The following OR3A2 variants were observed in gnomAD, a reference collection of about 807,000 sequenced individuals.
OR3A2 encodes the protein olfactory receptor family 3 subfamily A member 2, also known as olfactory receptor 3A2.
For missense variants in OR3A2, 318 were observed against 392.8 expected (o/e 0.81, Z 1.61); for synonymous variants, 126 against 159.3 (o/e 0.79, Z 1.57).
chr17:3,371,434 C>A (rs866481772), intron 2 of OR3A2, among the ~76,000 whole-genome samples: 6 of 126,842 alleles, frequency 4.7e-5, no homozygotes, highest in African/African-American at 1.3e-4. Context: ...GACCCCCCCA[C>A]CTCCCTCCCG....
At chr17:3,288,265 A>AAAAAAAAAAAAAAAAAAAAAAAAT (rs2048833516), upstream of OR3A2, among the ~76,000 whole-genome samples, 1 of 142,362 alleles carries the variant, frequency 7.0e-6, no homozygotes, top group East Asian at 2.0e-4. Context: ...AAAAAAAAAA[A>AAAAAAAAAAAAAAAAAAAAAAAAT]GACAAAAAAA....
chr17:3,280,366 G>C (rs543655674), intron 1 of OR3A2, among the ~76,000 whole-genome samples: 1 of 152,002 alleles, frequency 6.6e-6, no homozygotes, highest in Non-Finnish European at 1.5e-5. Flanking sequence ...CCGCCTCCTG[G>C]GTTCACGCCA....
chr17:3,321,659 TC>T (rs2049123366), intron 3 of OR3A2, among the ~76,000 whole-genome samples: 1 of 152,202 alleles, frequency 6.6e-6, no homozygotes, highest in African/African-American at 2.4e-5. Context: ...TGTCTTTGGT[TC>T]TGTTTATATG....
intron 3 of OR3A2, among the ~76,000 whole-genome samples, chr17:3,324,843 T>A (rs946897847): frequency 2.0e-5 from 3 of 152,116 alleles, no homozygotes; most frequent in Non-Finnish European, 4.4e-5. Flanking sequence ...CGTTCTCAGA[T>A]CTCAAGCTGA....
chr17:3,325,083 A>G (rs1288815337), intron 3 of OR3A2, among the ~76,000 whole-genome samples: 1 of 150,282 alleles, frequency 6.7e-6, no homozygotes, highest in Non-Finnish European at 1.5e-5. Context: ...TATTTTTATG[A>G]TTTTGTTTTT....
intron 3 of OR3A2, among the ~76,000 whole-genome samples, chr17:3,335,701 A>C (rs936638345): frequency 1.3e-5 from 2 of 152,188 alleles, no homozygotes; most frequent in Non-Finnish European, 2.9e-5. Context: ...TCTTCGAACA[A>C]AAGTCCCATG....
At chr17:3,356,209 T>C (rs1307228628) in intron 2 of OR3A2, among the ~76,000 whole-genome samples, 1 of 151,504 alleles carries the variant, frequency 6.6e-6, no homozygotes, top group East Asian at 1.9e-4. Context: ...TAAAAGGTTG[T>C]TTTAGTTATT....
chr17:3,336,715 G>A (rs1296642238), intron 2 of OR3A2, among the ~76,000 whole-genome samples: 2 of 152,180 alleles, frequency 1.3e-5, no homozygotes, highest in South Asian at 2.1e-4. Context: ...CTTTAGCTGC[G>A]CTCATACCTG....
chr17:3,321,821 G>A (rs953882961), intron 3 of OR3A2, among the ~76,000 whole-genome samples: 1 of 152,122 alleles, frequency 6.6e-6, no homozygotes, highest in Non-Finnish European at 1.5e-5. Flanking sequence ...TGTTCATCAA[G>A]GATATTGGTC....
In OR3A2 at chr17:3,346,646, G is replaced by T. The variant is rs570893805; in HGVS notation, c.-178-10520C>A. Among the ~76,000 whole-genome samples the T allele has an allele frequency of 2.1e-4, 31 of 144,998 alleles. No individual in the cohort carries two copies. The South Asian group carries it at 4.6e-3, about 21-fold the overall frequency. ...CTAGTTCTTATTCACTCTTTCCATG[G>T]TTTTTTTTTTTGTACCCATTATCCA... is the stretch of plus-strand genomic sequence containing the variant. On this transcript the variant is annotated intron_variant, in intron 2 of 4. Transcript: ENST00000573491.
chr17:3,350,957 GA>G (rs1359539482), intron 2 of OR3A2, among the ~76,000 whole-genome samples: 1 of 151,736 alleles, frequency 6.6e-6, no homozygotes, highest in African/African-American at 2.4e-5. Context: ...AATAGATGCA[GA>G]AAAGGCCTTT....
chr17:3,382,704 G>A (rs1376990338), intron 2 of OR3A2, among the ~76,000 whole-genome samples: 2 of 152,150 alleles, frequency 1.3e-5, no homozygotes, highest in Admixed American at 1.3e-4. Flanking sequence ...TCTTTCCCCT[G>A]CCTGAAATGC....
chr17:3,276,161 T>C (rs539219018), downstream of OR3A2, among the ~76,000 whole-genome samples: 2 of 146,412 alleles, frequency 1.4e-5, no homozygotes, highest in African/African-American at 5.0e-5. Flanking sequence ...TGCAAAACAA[T>C]TGAAAATAAC....
intron 3 of OR3A2, among the ~76,000 whole-genome samples, chr17:3,314,146 A>G (rs973695756): frequency 6.6e-6 from 1 of 152,192 alleles, no homozygotes; most frequent in Non-Finnish European, 1.5e-5. Context: ...TGAAACTAAA[A>G]CCAAAGAAGT....
chr17:3,302,966 G>A (rs1356670647), intron 3 of OR3A2, among the ~76,000 whole-genome samples: 1 of 152,160 alleles, frequency 6.6e-6, no homozygotes, highest in Non-Finnish European at 1.5e-5. Flanking sequence ...AATTTAAATA[G>A]TGTTATATTT....
chr17:3,302,842 T>G (rs2048975541), intron 3 of OR3A2, among the ~76,000 whole-genome samples: 1 of 152,194 alleles, frequency 6.6e-6, no homozygotes, highest in Non-Finnish European at 1.5e-5. Context: ...AATGTCATGC[T>G]CATTCTGGGA....
upstream of OR3A2, among the ~76,000 whole-genome samples, chr17:3,288,751 A>G (rs1025301764): frequency 6.6e-6 from 1 of 152,238 alleles, no homozygotes; most frequent in African/African-American, 2.4e-5. Context: ...ACAAAGGCAG[A>G]ATACTTATTA....
chr17:3,375,081 T>G (rs1281141363), intron 2 of OR3A2, among the ~76,000 whole-genome samples: 1 of 150,386 alleles, frequency 6.6e-6, no homozygotes, highest in Non-Finnish European at 1.5e-5. Flanking sequence ...GGTACTTCAT[T>G]GAGTAGCTTA....
intron 3 of OR3A2, chr17:3,310,713 T>A: frequency 1.8e-6 from 1 of 546,500 alleles, no homozygotes. Flanking sequence ...GTCCCTCACC[T>A]ACAGCAGCCG....
Sources: gnomAD v4.1 joint callset for allele counts (sites outside exome capture counted in the v4.1 genomes callset) on GRCh38, gnomAD v4.1.1 for gene constraint, MANE v1.5 for transcripts, NCBI Gene and HGNC (gene_info 2026-07-23, HGNC 2026-07-21) for gene names.